Variants in AMPD1 observed in about 807,000 individuals in gnomAD.
The protein encoded by AMPD1 is adenosine monophosphate deaminase 1, also known as AMP deaminase 1.
In AMPD1, 74 loss-of-function variants were observed where a neutral mutation model predicts 82.9. The ratio of observed to expected loss-of-function variants is 0.89; its 90% CI spans 0.74 to 1.08. The LOEUF (loss-of-function observed/expected upper bound fraction) is 1.08. Ranked by LOEUF, AMPD1 falls within the 50% of genes least tolerant of loss-of-function variation. The probability of loss-of-function intolerance (pLI) is 0.00; values close to 1 mark genes in which losing one functional copy is unlikely to be tolerated. For missense variants in AMPD1, 881 were observed against 924.5 expected, an observed-to-expected ratio of 0.95 and a Z score of 0.61; for synonymous variants, 333 against 320.5, an observed-to-expected ratio of 1.04 and a Z score of -0.42.
chr1:114,688,497 T>C, intron 3 of AMPD1, 64 bp downstream of exon 3: 2 of 1,558,730 alleles, frequency 1.3e-6, no homozygotes, highest in South Asian at 1.1e-5. Flanking sequence ...TTGAACCATA[T>C]CTTCCCTGGC....
chr1:114,683,241 A>G (rs1465512661), intron 5 of AMPD1: 2 of 370,624 alleles, frequency 5.4e-6, no homozygotes, highest in Non-Finnish European at 1.1e-5. Context: ...GCCTCTTGAA[A>G]GATTGGGTTG....
chr1:114,684,001 A>G (rs926617498), intron 5 of AMPD1, among the ~76,000 whole-genome samples, 198 bp downstream of exon 5: 3 of 152,186 alleles, frequency 2.0e-5, no homozygotes, highest in African/African-American at 4.8e-5. Flanking sequence ...GGTTTAGGGA[A>G]TGGTGAAGAG....
chr1:114,689,109 T>C (rs1238356213), intron 2 of AMPD1, among the ~76,000 whole-genome samples: 1 of 152,124 alleles, frequency 6.6e-6, no homozygotes, highest in African/African-American at 2.4e-5. Context: ...TCCCATTAGG[T>C]TGGTGGAGTT....
chr1:114,689,188 G>A (rs1214388465), intron 2 of AMPD1, among the ~76,000 whole-genome samples: 1 of 152,254 alleles, frequency 6.6e-6, no homozygotes. Flanking sequence ...AGGAGAACCA[G>A]TGATTCCGGT....
At chr1:114,693,271 G>T (rs762990938) in intron 2 of AMPD1, among the ~76,000 whole-genome samples, 165 bp downstream of exon 2, 78 of 151,036 alleles carry the variant, frequency 5.2e-4, no homozygotes, top group Non-Finnish European at 2.1e-4. Context: ...GAGCTTATTT[G>T]CTATGCTATG....
Position 114,677,795 on chromosome 1 carries a change from CTCCCTCCTTCCTTCCTTCCT to C in AMPD1, c.1224+95_1224+114del. 12 of 431,452 alleles carry C rather than the reference CTCCCTCCTTCCTTCCTTCCT, an allele frequency of 2.8e-5. 1 individual carries two copies. The highest frequency in any genetic ancestry group is 8.8e-5 in the South Asian group (4 of 45,700). The allele number at this position is 431,452 out of a possible 1,614,324, so 26.7% of individuals were successfully genotyped here. On this transcript the variant is annotated intron_variant, in intron 9 of 15. Transcript: ENST00000520113. ...CTCCCTTCCTTCCTTCTTTCCCTCT[CTCCCTCCTTCCTTCCTTCCT>C]TCCTTCCTTCCTTCCTTCCTTCCTT...
chr1:114,691,346 G>A (rs1364046090), intron 2 of AMPD1, among the ~76,000 whole-genome samples: 2 of 133,468 alleles, frequency 1.5e-5, no homozygotes, highest in South Asian at 2.8e-4. Context: ...TTGAGGCCAG[G>A]AGTTCAAGAC....
At position 114,686,793 on chromosome 1, in the gene AMPD1, G is replaced by A. The variant is rs138479739; in HGVS notation, c.333C>T (p.Thr111=). The A allele has an allele frequency of 2.4e-5, 38 of 1,614,040 alleles. No homozygotes were observed. The highest frequency in any genetic ancestry group is 2.0e-4 in the East Asian group (9 of 44,884). ...TCTGCACTCTCTGAAAATCAGGCAC[G>A]GTCTGGTAGGTTGGAGATGAGGAAA... The part of the protein sequence containing the change: ...EYISSSPTYQ[T]VPDFQRVQIT... Residue 111 remains threonine (T), a synonymous_variant, in exon 4 of 16, where the codon ACC becomes ACT. Transcript: ENST00000520113.
intron 1 of AMPD1, among the ~76,000 whole-genome samples, chr1:114,694,080 G>A (rs953715751): frequency 4.6e-5 from 7 of 152,066 alleles, no homozygotes; most frequent in South Asian, 2.1e-4. Flanking sequence ...TTAGCCGGGC[G>A]TGGTGGCAGG....
chr1:114,678,038 G>T lies in AMPD1; in HGVS notation c.1096C>A (p.Arg366Ser). 1 of 1,613,846 alleles carries T rather than the reference G, an allele frequency of 6.2e-7. No homozygotes were observed. Among genetic ancestry groups the T allele is most frequent in the Non-Finnish European group, 8.5e-7 (1 of 1,179,984 alleles). The change falls in exon 9 of 16, where the codon CGC becomes AGC. Residue 366 changes from arginine to serine, a missense_variant. Physicochemically the swap from Arg to Ser is moderately radical, Grantham distance 110 (BLOSUM62 -1). Transcript: ENST00000520113. The part of the protein sequence containing the change: ...TVDSLDVHAG[R>S]QTFQRFDKFN... Reference sequence around the variant, plus strand: ...TTATCAAAACGCTGGAAGGTCTGGCGTCCCTGAATCAGGAAAAAAGAGCAG... The same window carrying T: ...TTATCAAAACGCTGGAAGGTCTGGCTTCCCTGAATCAGGAAAAAAGAGCAG...
rs914919666 is a variant in AMPD1 at position 114,680,334 on chromosome 1, G to A, written c.692C>T (p.Pro231Leu). 1 of 1,614,182 alleles carries A rather than the reference G, an allele frequency of 6.2e-7. No individual in the cohort carries two copies. The highest frequency in any genetic ancestry group is 8.5e-7 in the Non-Finnish European group (1 of 1,180,022). ...EAAVSKDEPKPLPYPNLDTFL... is the reference protein window; with the variant it reads ...EAAVSKDEPKLLPYPNLDTFL... The stretch of plus-strand genomic sequence containing the variant: ...GGTGTCCAGATTTGGGTAAGGAAGT[G>A]GCTTAGGCTCATCTTTGCTGACTGC... The change falls in exon 6 of 16, where the codon CCA becomes CTA. Residue 231 changes from proline (P) to leucine (L), a missense_variant. Physicochemically the swap from Pro to Leu is moderately conservative, Grantham distance 98. Transcript: ENST00000520113.
At chr1:114,677,063 A>G (rs1486056026) in intron 10 of AMPD1, among the ~76,000 whole-genome samples, 1 of 151,936 alleles carries the variant, frequency 6.6e-6, no homozygotes, top group Non-Finnish European at 1.5e-5. Context: ...TGTATACCAA[A>G]CTGTACATAG....
At chr1:114,680,183 C>G in intron 6 of AMPD1, 76 bp downstream of exon 6, 11 of 1,251,658 alleles carry the variant, frequency 8.8e-6, no homozygotes, top group East Asian at 2.3e-5. Flanking sequence ...GTCTCACTAT[C>G]AGTAGAAGTA....
In AMPD1 at chr1:114,693,539, T is replaced by C. The variant is rs182463974; in HGVS notation, c.23-92A>G. On this transcript the variant is annotated intron_variant, in intron 1 of 15. Transcript: ENST00000520113. ...ATCACTGCTTTGGGGTAGACACATG[T>C]AGATTGCTGTTATTTCAGCTCAGCC... The C allele has an allele frequency of 2.0e-4, 222 of 1,134,440 alleles. 1 individual carries two copies. In the African/African-American group the frequency reaches 2.9e-3, roughly 15 times the overall value. The allele number at this position is 1,134,440 out of a possible 1,614,324, so 70.3% of individuals were successfully genotyped here. A position where few individuals can be genotyped will look rare whatever the true frequency, so the allele number is the denominator to read the frequency against.
chr1:114,677,792 TCTCTCCC>T (rs1159736788), intron 9 of AMPD1, 111 bp downstream of exon 9: 8 of 495,264 alleles, frequency 1.6e-5, no homozygotes, highest in Non-Finnish European at 2.6e-5. Flanking sequence ...CTTCTTTCCC[TCTCTCCC>T]TCCTTCCTTC....
Position 114,688,722 on chromosome 1 carries a change from G to A in AMPD1, c.54C>T (p.Arg18=), listed in dbSNP as rs1658419773. 2 of 1,614,168 alleles carry A rather than the reference G, an allele frequency of 1.2e-6. No individual in the cohort carries two copies. Among genetic ancestry groups the A allele is most frequent in the Non-Finnish European group, 1.7e-6 (2 of 1,180,034 alleles). The change falls in exon 3 of 16, where the codon CGC becomes CGT. Residue 18 remains arginine (R), a synonymous_variant. Coordinates refer to ENST00000520113, the MANE Select transcript of AMPD1 (RefSeq NM_000036.3). ...AEEKQIDDAM[R]NFAEKVFASE... is the part of the protein sequence containing the mutation. ...AGGCAAACACTTTTTCAGCAAAGTT[G>A]CGCATTGCATCATCAATTTCTAAAA...
intron 5 of AMPD1, 136 bp from the exon 6 acceptor site, chr1:114,680,614 C>T: frequency 1.4e-6 from 1 of 740,312 alleles, no homozygotes; most frequent in Non-Finnish European, 2.3e-6. Flanking sequence ...TGGAATTAAG[C>T]TAACCTTTAT....
At position 114,680,310 on chromosome 1, in the gene AMPD1, G is replaced by A. The variant is rs369064189; in HGVS notation, c.716C>T (p.Thr239Ile). The change falls in exon 6 of 16, where the codon ACC (threonine) becomes ATC (isoleucine). Residue 239 changes from threonine to isoleucine, a missense_variant. Thr to Ile is a moderately conservative substitution (Grantham distance 89). This residue lies in a region of AMPD1 where 783 missense variants were observed against 786.4 expected (regional missense o/e 1.00). Coordinates refer to ENST00000520113, the MANE Select transcript of AMPD1 (RefSeq NM_000036.3). ...PKPLPYPNLD[T>I]FLDDMNFLLA... Reference sequence around the variant, plus strand: ...TAAAAAATTCATATCGTCTAAGAAGGTGTCCAGATTTGGGTAAGGAAGTGG... The same window carrying A: ...TAAAAAATTCATATCGTCTAAGAAGATGTCCAGATTTGGGTAAGGAAGTGG... The A allele has an allele frequency of 1.2e-5, 20 of 1,614,144 alleles. No individual in the cohort carries two copies. Among genetic ancestry groups the A allele is most frequent in the South Asian group, 5.5e-5 (5 of 91,078 alleles).
intron 2 of AMPD1, among the ~76,000 whole-genome samples, chr1:114,693,212 TTATATA>T (rs1044736828): frequency 6.8e-6 from 1 of 147,666 alleles, no homozygotes; most frequent in African/African-American, 2.5e-5. Context: ...TTATATATAA[TTATATA>T]TATATATATG....
Sources: allele counts gnomAD v4.1 joint callset (sites outside exome capture counted in the v4.1 genomes callset), GRCh38; gene constraint gnomAD v4.1.1; regional missense constraint gnomAD v4.1.1; transcripts MANE v1.5; gene names NCBI Gene and HGNC (gene_info 2026-07-23, HGNC 2026-07-21).